Variants in ARHGAP44 observed in about 807,000 individuals in gnomAD.
ARHGAP44 encodes the protein Rho GTPase activating protein 44.
A neutral mutation model predicts 106.8 loss-of-function variants in ARHGAP44; 43 were observed. That is an observed-to-expected ratio of 0.40 (90% CI 0.32 to 0.52). The LOEUF (loss-of-function observed/expected upper bound fraction) is 0.52, where lower values mean the gene tolerates loss of function less well. ARHGAP44 is among the 20% of genes least tolerant of loss of function. The probability of loss-of-function intolerance (pLI) is 0.48; values close to 1 mark genes in which losing one functional copy is unlikely to be tolerated. For synonymous variants in ARHGAP44, 439 were observed against 410.3 expected (o/e 1.07, Z -0.85); for missense variants, 866 against 1,050.5 (o/e 0.82, Z 2.43).
chr17:12,941,596 T>C (rs2038710422), intron 8 of ARHGAP44, among the ~76,000 whole-genome samples: 1 of 152,118 alleles, frequency 6.6e-6, no homozygotes, highest in African/African-American at 2.4e-5. Flanking sequence ...TTGAGAAAAA[T>C]AGGAAGGCAA....
chr17:12,800,565 A>T (rs1418206725), intron 1 of ARHGAP44, among the ~76,000 whole-genome samples: 1 of 152,188 alleles, frequency 6.6e-6, no homozygotes, highest in Non-Finnish European at 1.5e-5. Context: ...TCTGGAAGTG[A>T]CGCGTGCCAC....
intron 1 of ARHGAP44, among the ~76,000 whole-genome samples, chr17:12,834,376 A>AT (rs1169786917): frequency 6.6e-6 from 1 of 152,156 alleles, no homozygotes; most frequent in African/African-American, 2.4e-5. Flanking sequence ...TCTGTTATGA[A>AT]TTTTTTAAAT....
At chr17:12,830,076 G>A (rs941677328) in intron 1 of ARHGAP44, among the ~76,000 whole-genome samples, 4 of 152,198 alleles carry the variant, frequency 2.6e-5, no homozygotes, top group African/African-American at 7.2e-5. Flanking sequence ...CTAAGCAACA[G>A]CAAAGGAGAA....
Position 12,956,689 on chromosome 17 carries a change from C to A in ARHGAP44, c.1285C>A (p.Gln429Lys). Reference sequence around the variant, plus strand: ...AGAGATGATGACCACAGTGTCGCTGCAAATTGTTGGGATCATTGAACCTAT... The same window carrying A: ...AGAGATGATGACCACAGTGTCGCTGAAAATTGTTGGGATCATTGAACCTAT... Reference protein sequence around the residue: ...ITEMMTTVSLQIVGIIEPIIQ... With the variant: ...ITEMMTTVSLKIVGIIEPIIQ... The change falls in exon 15 of 21, where the codon CAA becomes AAA. Residue 429 changes from glutamine to lysine, a missense_variant. By Grantham distance (53) the Gln-to-Lys change is moderately conservative. Transcript: ENST00000379672. The A allele has an allele frequency of 3.1e-6, 5 of 1,614,162 alleles. No individual in the cohort carries two copies. Among genetic ancestry groups the A allele is most frequent in the Non-Finnish European group, 4.2e-6 (5 of 1,180,018 alleles).
At position 12,987,183 on chromosome 17, in the gene ARHGAP44, C is replaced by T. The variant is rs752184378; in HGVS notation, c.2317+2275C>T. The T allele has an allele frequency of 8.7e-5, 132 of 1,522,104 alleles. 1 individual carries two copies. Among genetic ancestry groups the T allele is most frequent in the Non-Finnish European group, 1.1e-4 (125 of 1,139,674 alleles). The allele number at this position is 1,522,104 out of a possible 1,614,324, so 94.3% of individuals were successfully genotyped here. On this transcript the variant is annotated intron_variant, in intron 20 of 20. Coordinates refer to ENST00000379672, the MANE Select transcript of ARHGAP44 (RefSeq NM_014859.6). ...CTGGCCCCGGCCTCGCCCCTCCACC[C>T]CGCTAGCTAGCCAGGCCAGCTGCCC... is the stretch of plus-strand genomic sequence containing the variant.
At chr17:12,960,013 G>A (rs2039219827) in intron 16 of ARHGAP44, among the ~76,000 whole-genome samples, 1 of 152,198 alleles carries the variant, frequency 6.6e-6, no homozygotes. Context: ...TTCTGAATGG[G>A]AGTTGGTATT....
intron 1 of ARHGAP44, among the ~76,000 whole-genome samples, chr17:12,840,754 A>G (rs2035367301): frequency 6.6e-6 from 1 of 152,234 alleles, no homozygotes; most frequent in Non-Finnish European, 1.5e-5. Context: ...GATTCATGTC[A>G]TAGACATAAA....
chr17:12,986,276 GGTGT>G (rs2039954152), intron 20 of ARHGAP44: 1 of 152,112 alleles, frequency 6.6e-6, no homozygotes, highest in Non-Finnish European at 1.5e-5. Flanking sequence ...TTGGTGCTGA[GGTGT>G]CTCCTGAAGG....
intron 1 of ARHGAP44, among the ~76,000 whole-genome samples, chr17:12,836,053 G>A (rs1311889858): frequency 6.6e-6 from 1 of 152,034 alleles, no homozygotes; most frequent in African/African-American, 2.4e-5. Flanking sequence ...TGTACATTTG[G>A]GTTGCTTCCA....
rs192699189 is a variant in ARHGAP44 at position 12,887,066 on chromosome 17, C to G, written c.54-7874C>G. ...GATCGTGTGGTTTTTCTTCCTTACT[C>G]TTTTAATACAGTGAGTGGATTACAC... is the stretch of plus-strand genomic sequence containing the variant. On this transcript the variant is annotated intron_variant, in intron 1 of 20. Transcript: ENST00000379672. Among the ~76,000 whole-genome samples the G allele has an allele frequency of 9.0e-5, 13 of 144,748 alleles. No homozygotes were observed. In the East Asian group the frequency reaches 2.7e-3, roughly 30 times the overall value. 95.0% of individuals were successfully genotyped at this position (144,748 alleles called of 152,430 possible).
At chr17:12,806,955 A>G (rs773773332) in intron 1 of ARHGAP44, among the ~76,000 whole-genome samples, 11 of 152,180 alleles carry the variant, frequency 7.2e-5, no homozygotes, top group Non-Finnish European at 1.2e-4. Context: ...TGAAGTGGAA[A>G]GTCTGGTTAG....
At chr17:12,885,135 G>A (rs532692135) in intron 1 of ARHGAP44, among the ~76,000 whole-genome samples, 3 of 152,246 alleles carry the variant, frequency 2.0e-5, no homozygotes, top group South Asian at 2.1e-4. Context: ...TCCTGACCTC[G>A]TGATCTGCCC....
At chr17:12,934,692 A>G (rs922548718) in intron 7 of ARHGAP44, among the ~76,000 whole-genome samples, 1 of 71,168 alleles carries the variant, frequency 1.4e-5, no homozygotes, top group Admixed American at 1.7e-4. Context: ...GGGCAATGAA[A>G]TTATTCTTAG....
chr17:12,930,103 T>G (rs891403776), intron 7 of ARHGAP44, among the ~76,000 whole-genome samples: 8 of 152,258 alleles, frequency 5.3e-5, no homozygotes, highest in Admixed American at 3.3e-4. Flanking sequence ...TTTTTGTGAG[T>G]GCAGCTGATT....
chr17:12,810,963 A>G (rs535281341), intron 1 of ARHGAP44, among the ~76,000 whole-genome samples: 2 of 152,268 alleles, frequency 1.3e-5, no homozygotes, highest in African/African-American at 4.8e-5. Flanking sequence ...TATATATTGT[A>G]TGTATTATAT....
At chr17:12,911,270 G>T (rs377705453) in intron 4 of ARHGAP44, among the ~76,000 whole-genome samples, 1 of 151,984 alleles carries the variant, frequency 6.6e-6, no homozygotes, top group Non-Finnish European at 1.5e-5. Flanking sequence ...ATGACAGATT[G>T]AACATGCATC....
intron 2 of ARHGAP44, 59 bp from the exon 3 acceptor site, chr17:12,896,348 A>G: frequency 7.0e-7 from 1 of 1,430,724 alleles, no homozygotes; most frequent in Non-Finnish European, 9.6e-7. Context: ...CACACCCACA[A>G]TCCCTCCTCC....
chr17:12,963,797 A>G (rs1011234865), intron 16 of ARHGAP44, among the ~76,000 whole-genome samples: 18 of 151,990 alleles, frequency 1.2e-4, no homozygotes, highest in Non-Finnish European at 2.9e-5. Context: ...GTAGTTTGTT[A>G]CATAACAAAG....
At chr17:12,839,728 T>C (rs1238810126) in intron 1 of ARHGAP44, among the ~76,000 whole-genome samples, 1 of 152,190 alleles carries the variant, frequency 6.6e-6, no homozygotes, top group Non-Finnish European at 1.5e-5. Context: ...GTACTTTAAG[T>C]TGCGTGGATA....
Sources: gnomAD v4.1 joint callset for allele counts (sites outside exome capture counted in the v4.1 genomes callset) on GRCh38, gnomAD v4.1.1 for gene constraint, MANE v1.5 for transcripts, NCBI Gene and HGNC (gene_info 2026-07-23, HGNC 2026-07-21) for gene names.